UBR3: variants seen among roughly 807,000 people sequenced by gnomAD.
UBR3 encodes the protein ubiquitin protein ligase E3 component n-recognin 3.
In UBR3, 85 loss-of-function variants were observed where a neutral mutation model predicts 243.2. The ratio of observed to expected loss-of-function variants is 0.35; its 90% CI spans 0.29 to 0.42. UBR3 has a LOEUF of 0.42. Ranked by LOEUF, UBR3 falls within the 10% of genes least tolerant of loss-of-function variation. The pLI is 1.00. For synonymous variants in UBR3, 748 were observed against 799.8 expected, an observed-to-expected ratio of 0.94 and a Z score of 1.09; for missense variants, 1,686 against 2,300.8, an observed-to-expected ratio of 0.73 and a Z score of 5.47.
chr2:169,908,841 T>G (rs1482367534), intron 10 of UBR3, among the ~76,000 whole-genome samples: 1 of 106,746 alleles, frequency 9.4e-6, no homozygotes, highest in African/African-American at 2.9e-5. Flanking sequence ...TTTTTTTTTT[T>G]GAGACGTAGT....
intron 33 of UBR3, among the ~76,000 whole-genome samples, chr2:170,057,177 A>G (rs992819742): frequency 2.1e-5 from 3 of 143,872 alleles, no homozygotes; most frequent in African/African-American, 5.4e-5. Context: ...GTGCAATGGT[A>G]TGATCAGGGC....
chr2:169,971,689 C>G (rs967525668), intron 24 of UBR3, among the ~76,000 whole-genome samples: 3 of 152,252 alleles, frequency 2.0e-5, no homozygotes, highest in Admixed American at 2.0e-4. Context: ...ATCTATATCT[C>G]TGTTTTGGTA....
intron 31 of UBR3, among the ~76,000 whole-genome samples, chr2:170,038,723 C>T (rs1005549009): frequency 3.9e-5 from 6 of 152,014 alleles, no homozygotes; most frequent in Non-Finnish European, 5.9e-5. Flanking sequence ...ATGTTTTAGG[C>T]ATTGTTATGT....
chr2:170,019,599 C>T (rs1012198896), intron 30 of UBR3, among the ~76,000 whole-genome samples: 1 of 151,888 alleles, frequency 6.6e-6, no homozygotes. Context: ...GTGGGAGGAT[C>T]GCTTAAGCCC....
At chr2:170,010,998 A>T (rs1478007355) in intron 29 of UBR3, among the ~76,000 whole-genome samples, 3 of 151,964 alleles carry the variant, frequency 2.0e-5, no homozygotes, top group African/African-American at 7.3e-5. Flanking sequence ...CCCTATCTCT[A>T]TGAAAAATAA....
chr2:169,984,606 A>G (rs778577043), intron 24 of UBR3, among the ~76,000 whole-genome samples: 13 of 152,332 alleles, frequency 8.5e-5, no homozygotes, highest in Non-Finnish European at 2.9e-5. Flanking sequence ...TAAATACAGC[A>G]TTTAATTTGG....
rs149473540 is a variant in UBR3, at chr2:169,895,293, T to G, written c.1218T>G (p.Leu406=). ...TGGTAACTTTCTTACTCAACATGCT[T>G]CCAGATCAAGAGTATAAGGTATCTA... The part of the protein sequence containing the change: ...QKMVTFLLNM[L]PDQEYKVAFT... Residue 406 remains leucine (L), a synonymous_variant, in exon 7 of 39, where the codon CTT becomes CTG. Transcript: ENST00000272793. 1.3e-6 allele frequency: 2 copies of G among 1,544,348 alleles called. No homozygotes were observed. The highest frequency in any genetic ancestry group is 1.7e-6 in the Non-Finnish European group (2 of 1,145,168).
rs2089934696 is a variant in UBR3, at chr2:170,006,970, A to G, written c.4030-20A>G. 2 of 1,607,376 alleles carry G rather than the reference A, an allele frequency of 1.2e-6. No individual in the cohort carries two copies. The highest frequency in any genetic ancestry group is 1.7e-6 in the Non-Finnish European group (2 of 1,176,996). ...ATGAATGTGTATATCACGCATCTGT[A>G]TGTTTATTTCGTCTTTTAGAATGAC... is the stretch of plus-strand genomic sequence containing the variant. On this transcript the variant is annotated intron_variant, in intron 27 of 38. Coordinates refer to ENST00000272793, the MANE Select transcript of UBR3 (RefSeq NM_172070.4).
intron 36 of UBR3, 100 bp from the exon 37 acceptor site, chr2:170,079,714 G>T: frequency 9.4e-7 from 1 of 1,061,416 alleles, no homozygotes; most frequent in Non-Finnish European, 1.3e-6. Flanking sequence ...CCACATTCTT[G>T]GAGGCAGATT....
chr2:170,019,340 C>A (rs1411504056), intron 30 of UBR3, among the ~76,000 whole-genome samples: 1 of 152,164 alleles, frequency 6.6e-6, no homozygotes, highest in Non-Finnish European at 1.5e-5. Context: ...GTGCAGGCAA[C>A]TTAAAATAGT....
chr2:169,971,086 C>T, intron 24 of UBR3, among the ~76,000 whole-genome samples: 1 of 152,074 alleles, frequency 6.6e-6, no homozygotes, highest in South Asian at 2.1e-4. Context: ...TGATGATGAG[C>T]ATTTTTTCAT....
Position 169,983,252 on chromosome 2 carries a change from C to CTTTTTTTTT in UBR3, c.3635-3379_3635-3371dup, listed in dbSNP as rs72194627. On this transcript the variant is annotated intron_variant, in intron 24 of 38. Coordinates refer to ENST00000272793, the MANE Select transcript of UBR3 (RefSeq NM_172070.4). ...TGTTGTTTTTGCCACATTCTCTCTC[C>CTTTTTTTTT]TTTTTTTTTTTTTTTTTTTTTTGAG... Among the ~76,000 whole-genome samples, 114 of 71,984 alleles carry CTTTTTTTTT rather than the reference C, an allele frequency of 1.6e-3. 5 individuals carry two copies. Among genetic ancestry groups the CTTTTTTTTT allele is most frequent in the East Asian group, 5.7e-3 (16 of 2,786 alleles). 47.2% of individuals were successfully genotyped at this position (71,984 alleles called of 152,430 possible). A position where few individuals can be genotyped will look rare whatever the true frequency, so the allele number is the denominator to read the frequency against.
At chr2:170,060,772 C>A (rs184362303) in intron 33 of UBR3, among the ~76,000 whole-genome samples, 2 of 151,756 alleles carry the variant, frequency 1.3e-5, no homozygotes, top group East Asian at 3.9e-4. Context: ...TGGATTATAT[C>A]CCTGGAAAGA....
chr2:169,861,808 C>T (rs2083102396), intron 1 of UBR3, among the ~76,000 whole-genome samples: 1 of 152,172 alleles, frequency 6.6e-6, no homozygotes, highest in Non-Finnish European at 1.5e-5. Context: ...ACTCTCCCTA[C>T]ACCAAGTTGC....
At chr2:170,050,954 T>G (rs918996590) in intron 32 of UBR3, among the ~76,000 whole-genome samples, 30 of 152,336 alleles carry the variant, frequency 2.0e-4, no homozygotes, top group African/African-American at 7.2e-4. Context: ...CTCAAGTCCC[T>G]TACATAAAAT....
chr2:169,849,619 G>A (rs1453836253), intron 1 of UBR3, among the ~76,000 whole-genome samples: 1 of 152,136 alleles, frequency 6.6e-6, no homozygotes, highest in East Asian at 1.9e-4. Context: ...GGAACTTTTA[G>A]CTTGTTTTTT....
chr2:170,009,072 G>T (rs781450313), intron 29 of UBR3, 132 bp downstream of exon 29: 4 of 547,710 alleles, frequency 7.3e-6, no homozygotes, highest in Middle Eastern at 5.2e-4. Flanking sequence ...GCTAGTTTTA[G>T]TGCCTGCTAG....
chr2:169,934,343 A>G (rs757968957), intron 19 of UBR3, among the ~76,000 whole-genome samples: 15 of 152,194 alleles, frequency 9.9e-5, no homozygotes, highest in Non-Finnish European at 1.8e-4. Context: ...AGTAAATTTT[A>G]TTCTCTTTTA....
intron 24 of UBR3, among the ~76,000 whole-genome samples, chr2:169,977,827 C>T (rs759240855): frequency 1.3e-5 from 2 of 152,168 alleles, no homozygotes; most frequent in Non-Finnish European, 2.9e-5. Flanking sequence ...ATTGACACCT[C>T]GTATTAGCCA....
Sources: allele counts gnomAD v4.1 joint callset (sites outside exome capture counted in the v4.1 genomes callset), GRCh38; gene constraint gnomAD v4.1.1; transcripts MANE v1.5; gene names NCBI Gene and HGNC (gene_info 2026-07-23, HGNC 2026-07-21).